TGFBI: variants seen among roughly 807,000 people sequenced by gnomAD.
TGFBI encodes the protein transforming growth factor beta induced, also known as transforming growth factor-beta-induced protein ig-h3.
Under a neutral mutation model 73.7 loss-of-function variants are expected in TGFBI, and 50 were observed. The observed-to-expected ratio is 0.68, with a 90% CI of 0.54 to 0.86. TGFBI has a LOEUF of 0.86. Among genes scored for constraint, TGFBI ranks in the 40% least tolerant of loss-of-function variants. The pLI, the probability that TGFBI is intolerant of heterozygous loss-of-function variation, is 0.00. For missense variants in TGFBI, 839 were observed against 877.0 expected (o/e 0.96, Z 0.55); for synonymous variants, 362 against 360.5 (o/e 1.00, Z -0.05).
chr5:136,063,141 G>A, intron 16 of TGFBI, 45 bp from the exon 17 acceptor site: 1 of 1,577,050 alleles, frequency 6.3e-7, no homozygotes, highest in Non-Finnish European at 8.7e-7. Flanking sequence ...AGACAGACAT[G>A]GGGAGATCTG....
intron 2 of TGFBI, 96 bp from the exon 3 acceptor site, chr5:136,043,962 C>G: frequency 1.0e-6 from 1 of 981,422 alleles, no homozygotes; most frequent in Non-Finnish European, 1.6e-6. Flanking sequence ...CATTCCTCTT[C>G]CTTGGCTGTG....
At chr5:136,050,737 C>T (rs1355385593) in intron 7 of TGFBI, among the ~76,000 whole-genome samples, 1 of 152,236 alleles carries the variant, frequency 6.6e-6, no homozygotes, top group Non-Finnish European at 1.5e-5. Flanking sequence ...GCATTTCAGA[C>T]ACCCTATACA....
intron 8 of TGFBI, 54 bp from the exon 9 acceptor site, chr5:136,053,889 G>A (rs1751581051): frequency 1.2e-6 from 2 of 1,606,682 alleles, no homozygotes; most frequent in South Asian, 1.1e-5. Context: ...GTGGATGAAT[G>A]ATAAATGAAA....
intron 11 of TGFBI, chr5:136,056,395 C>T: frequency 2.4e-6 from 1 of 424,316 alleles, no homozygotes; most frequent in Non-Finnish European, 4.3e-6. Context: ...CATACCTCTG[C>T]CCTTTCTTTT....
At position 136,060,953 on chromosome 5, in the gene TGFBI, C is replaced by T. The variant is rs768582979; in HGVS notation, c.1906+17C>T. The T allele has an allele frequency of 6.5e-7, 1 of 1,530,318 alleles. No homozygotes were observed. Among genetic ancestry groups the T allele is most frequent in the Non-Finnish European group, 8.9e-7 (1 of 1,128,684 alleles). The allele number at this position is 1,530,318 out of a possible 1,614,324, so 94.8% of individuals were successfully genotyped here. On this transcript the variant is annotated intron_variant, in intron 14 of 16. Transcript: ENST00000442011. Reference sequence around the variant, plus strand: ...AGCCTCCAGGTAAGTGTCGCATCCCCACTGACTCTGCAGCCAGTCCTTTTC... The same window carrying T: ...AGCCTCCAGGTAAGTGTCGCATCCCTACTGACTCTGCAGCCAGTCCTTTTC...
At chr5:136,062,371 T>A (rs1751763881) in intron 15 of TGFBI, among the ~76,000 whole-genome samples, 1 of 152,034 alleles carries the variant, frequency 6.6e-6, no homozygotes, top group African/African-American at 2.4e-5. Context: ...TGAGGCCACC[T>A]CTGTGCAGCC....
At chr5:136,062,120 C>T (rs1010808511) in intron 15 of TGFBI, among the ~76,000 whole-genome samples, 4 of 152,126 alleles carry the variant, frequency 2.6e-5, no homozygotes, top group African/African-American at 9.7e-5. Context: ...TCTGAGCTTC[C>T]TTTCCTGCTC....
rs527841882 is a variant in TGFBI, at chr5:136,029,115, G to C, written c.60G>C (p.Ala20=). ...TGGCTCTGGCCCTGGGCCCCGCCGC[G>C]ACCCTGGCGGGTCCCGCCAAGTCGC... ...LALALALGPA[A]TLAGPAKSPY... Residue 20 remains alanine, a synonymous_variant, in exon 1 of 17, where the codon GCG becomes GCC. Transcript: ENST00000442011. 2.0e-6 allele frequency: 3 copies of C among 1,525,116 alleles called. No homozygotes were observed. Among genetic ancestry groups the C allele is most frequent in the Admixed American group, 4.0e-5 (2 of 50,506 alleles). The allele number at this position is 1,525,116 out of a possible 1,614,324, so 94.5% of individuals were successfully genotyped here.
At chr5:136,059,521 G>T (rs1751710547) in intron 13 of TGFBI, among the ~76,000 whole-genome samples, 1 of 152,142 alleles carries the variant, frequency 6.6e-6, no homozygotes, top group South Asian at 2.1e-4. Context: ...TTATGTGACT[G>T]AAGAGATCAG....
Position 136,039,153 on chromosome 5 carries a change from A to G in TGFBI, c.234-4905A>G, listed in dbSNP as rs140927194. ...GGTTTATATCTGGAGTTTCTTTAGA[A>G]GCTTCACAACTGACCACTTAGTAAA... On this transcript the variant is annotated intron_variant, in intron 2 of 16. Transcript: ENST00000442011. Among the ~76,000 whole-genome samples, 965 of 152,350 alleles carry G rather than the reference A, an allele frequency of 6.3e-3. 52 individuals are homozygous for G. The highest frequency in any genetic ancestry group is 0.059 in the Admixed American group (898 of 15,300).
intron 1 of TGFBI, among the ~76,000 whole-genome samples, chr5:136,029,685 G>A (rs577528844): frequency 2.6e-5 from 4 of 152,328 alleles, no homozygotes; most frequent in African/African-American, 7.2e-5. Context: ...TCCTGGCCAG[G>A]CCCTGCACTC....
intron 1 of TGFBI, among the ~76,000 whole-genome samples, chr5:136,031,169 A>G (rs1244688154): frequency 6.6e-6 from 1 of 152,230 alleles, no homozygotes. Context: ...TAGAATCTGG[A>G]TGCGCAGGCA....
At chr5:136,051,284 G>A (rs964256869) in intron 7 of TGFBI, among the ~76,000 whole-genome samples, 2 of 152,078 alleles carry the variant, frequency 1.3e-5, no homozygotes, top group East Asian at 3.9e-4. Flanking sequence ...ACAAAAATTA[G>A]CTGGGTGTGG....
intron 13 of TGFBI, among the ~76,000 whole-genome samples, 174 bp downstream of exon 13, chr5:136,059,388 A>G (rs1218818602): frequency 1.3e-5 from 2 of 152,220 alleles, no homozygotes; most frequent in African/African-American, 4.8e-5. Flanking sequence ...CAGGGAAATC[A>G]AGTGAGATCA....
intron 12 of TGFBI, among the ~76,000 whole-genome samples, chr5:136,057,401 G>T (rs779922597): frequency 1.3e-5 from 2 of 152,158 alleles, no homozygotes; most frequent in African/African-American, 2.4e-5. Context: ...GTTAGTCATG[G>T]CTCTGAGAGA....
Position 136,060,943 on chromosome 5 carries a change from G to A in TGFBI, c.1906+7G>A. The A allele has an allele frequency of 6.4e-7, 1 of 1,554,418 alleles. No homozygotes were observed. Among genetic ancestry groups the A allele is most frequent in the Non-Finnish European group, 8.7e-7 (1 of 1,143,034 alleles). ...AATGTTCTGCAGCCTCCAGGTAAGT[G>A]TCGCATCCCCACTGACTCTGCAGCC... On this transcript the variant is annotated splice_region_variant and intron_variant, in intron 14 of 16. Transcript: ENST00000442011.
At chr5:136,059,257 G>A (rs779689894) in intron 13 of TGFBI, 43 bp downstream of exon 13, 3 of 1,599,608 alleles carry the variant, frequency 1.9e-6, no homozygotes, top group South Asian at 2.3e-5. Flanking sequence ...TTTCCCCAGG[G>A]CAGGGCTCCA....
At chr5:136,044,220 G>T in intron 3 of TGFBI, 98 bp downstream of exon 3, 1 of 1,030,460 alleles carries the variant, frequency 9.7e-7, no homozygotes, top group Non-Finnish European at 1.5e-6. Flanking sequence ...GTGAATGGGG[G>T]CAGTGGCACA....
At chr5:136,033,886 G>T in intron 2 of TGFBI, 25 bp downstream of exon 2, 1 of 1,596,870 alleles carries the variant, frequency 6.3e-7, no homozygotes, top group Non-Finnish European at 8.6e-7. Flanking sequence ...CCAGCCAGGA[G>T]ACCAAGCTGT....
Sources: allele counts gnomAD v4.1 joint callset (sites outside exome capture counted in the v4.1 genomes callset), GRCh38; gene constraint gnomAD v4.1.1; transcripts MANE v1.5; gene names NCBI Gene and HGNC (gene_info 2026-07-23, HGNC 2026-07-21).